PCNX1: variants seen among roughly 807,000 people sequenced by gnomAD.
PCNX1 encodes the protein pecanex-like protein 1.
Under a neutral mutation model 242.2 loss-of-function variants are expected in PCNX1, and 78 were observed. The ratio of observed to expected loss-of-function variants is 0.32; its 90% confidence interval spans 0.27 to 0.39. PCNX1 has a LOEUF of 0.39. PCNX1 is among the 10% of genes least tolerant of loss of function. The pLI is 1.00. For missense variants in PCNX1, 2,581 were observed against 2,856.5 expected (o/e 0.90, Z 2.20); for synonymous variants, 1,024 against 1,032.9 (o/e 0.99, Z 0.17).
intron 8 of PCNX1, among the ~76,000 whole-genome samples, chr14:71,005,309 G>C (rs144585501): frequency 2.0e-5 from 3 of 152,228 alleles, no homozygotes; most frequent in Non-Finnish European, 4.4e-5. Flanking sequence ...TTCGAGACCA[G>C]CCTGGGCAGC....
intron 15 of PCNX1, chr14:71,027,173 A>G: frequency 4.3e-6 from 1 of 233,874 alleles, no homozygotes; most frequent in Non-Finnish European, 8.3e-6. Context: ...GCCTACATAT[A>G]CTTAAGAGGT....
At chr14:71,053,314 C>T (rs1039865033) in intron 24 of PCNX1, 3 of 451,252 alleles carry the variant, frequency 6.6e-6, no homozygotes, top group African/African-American at 2.0e-5. Flanking sequence ...CCCTTGTCAT[C>T]CAGGCTGGAG....
intron 19 of PCNX1, among the ~76,000 whole-genome samples, chr14:71,041,463 C>T (rs2060702142): frequency 6.6e-6 from 1 of 152,090 alleles, no homozygotes; most frequent in Admixed American, 6.6e-5. Context: ...TCCATTTTCT[C>T]TAGATTTTCC....
intron 1 of PCNX1, among the ~76,000 whole-genome samples, chr14:70,927,271 G>A (rs1430459819): frequency 6.6e-6 from 1 of 152,184 alleles, no homozygotes; most frequent in Non-Finnish European, 1.5e-5. Context: ...TTCTGTAAGT[G>A]TGTCTTAGTT....
At chr14:71,033,400 A>G (rs766991650) in intron 16 of PCNX1, 29 bp from the exon 17 acceptor site, 1 of 1,086,422 alleles carries the variant, frequency 9.2e-7, no homozygotes, top group Admixed American at 1.8e-5. Context: ...TTAGAAGCAT[A>G]TTATTCTGTT....
chr14:71,047,427 C>T (rs1278533674), intron 21 of PCNX1, among the ~76,000 whole-genome samples: 9 of 152,080 alleles, frequency 5.9e-5, no homozygotes, highest in African/African-American at 2.2e-4. Flanking sequence ...CCTCCATAGT[C>T]ATCCGATGAG....
chr14:71,053,917 A>G lies in PCNX1; in HGVS notation c.4578-1587A>G, dbSNP rs1360740565. Among the ~76,000 whole-genome samples, 3 of 152,196 alleles carry G rather than the reference A, an allele frequency of 2.0e-5. 1 individual carries two copies. Among genetic ancestry groups the G allele is most frequent in the Middle Eastern group, 6.8e-3 (2 of 294 alleles). On this transcript the variant is annotated intron_variant, in intron 24 of 35. Transcript: ENST00000304743. Reference sequence around the variant, plus strand: ...GCTGGATTCTTGTATCTACCTGTACATTCAGTCAGGTGCAGTATATTGTTT... The same window carrying G: ...GCTGGATTCTTGTATCTACCTGTACGTTCAGTCAGGTGCAGTATATTGTTT...
intron 1 of PCNX1, among the ~76,000 whole-genome samples, chr14:70,919,753 G>C (rs2056304972): frequency 9.1e-6 from 1 of 109,734 alleles, no homozygotes; most frequent in Non-Finnish European, 1.7e-5. Flanking sequence ...TGCTTTATTT[G>C]GTAGAATTGT....
chr14:71,094,063 C>T (rs1197531049), intron 30 of PCNX1, among the ~76,000 whole-genome samples: 1 of 152,130 alleles, frequency 6.6e-6, no homozygotes, highest in African/African-American at 2.4e-5. Flanking sequence ...TAGGGATAGG[C>T]ACCCCAACCC....
At chr14:70,969,438 G>A (rs1029646651) in intron 5 of PCNX1, among the ~76,000 whole-genome samples, 2 of 152,180 alleles carry the variant, frequency 1.3e-5, no homozygotes, top group African/African-American at 4.8e-5. Flanking sequence ...GGATAACCTA[G>A]TATGTAAAAC....
intron 30 of PCNX1, among the ~76,000 whole-genome samples, chr14:71,097,664 T>C (rs2062329353): frequency 6.6e-6 from 1 of 152,210 alleles, no homozygotes; most frequent in Non-Finnish European, 1.5e-5. Flanking sequence ...AATTAAGTTA[T>C]AGATTCTGGG....
intron 2 of PCNX1, 148 bp from the exon 3 acceptor site, chr14:70,962,078 C>T (rs191796386): frequency 1.7e-5 from 10 of 590,530 alleles, no homozygotes; most frequent in East Asian, 1.6e-4. Context: ...GAAGAATGAT[C>T]GTTGTTTACC....
At chr14:71,096,952 CCTTA>C (rs774363286) in intron 30 of PCNX1, among the ~76,000 whole-genome samples, 1 of 152,120 alleles carries the variant, frequency 6.6e-6, no homozygotes, top group African/African-American at 2.4e-5. Flanking sequence ...CTGTATACTT[CCTTA>C]CTTCTCACCC....
At chr14:70,928,289 A>G (rs556246630) in intron 1 of PCNX1, among the ~76,000 whole-genome samples, 1 of 152,318 alleles carries the variant, frequency 6.6e-6, no homozygotes, top group African/African-American at 2.4e-5. Context: ...CCTAGCTGCT[A>G]TTCTTCAGAA....
intron 28 of PCNX1, chr14:71,085,758 C>T: frequency 3.1e-6 from 1 of 327,658 alleles, no homozygotes; most frequent in South Asian, 3.5e-5. Context: ...CTTTAACAGT[C>T]TTCTCAGTCA....
At chr14:71,031,573 G>A in intron 16 of PCNX1, 1 of 486,308 alleles carries the variant, frequency 2.1e-6, no homozygotes, top group Non-Finnish European at 3.8e-6. Context: ...TCCTGAGACA[G>A]AAGGGGACTC....
chr14:71,022,160 A>G (rs1288766863), intron 12 of PCNX1, among the ~76,000 whole-genome samples: 7 of 152,154 alleles, frequency 4.6e-5, no homozygotes, highest in African/African-American at 1.7e-4. Flanking sequence ...ACTAATAACA[A>G]GTAACCCAGT....
At position 70,959,809 on chromosome 14, in the gene PCNX1, A is replaced by T. The variant is rs926602336; in HGVS notation, c.363-2417A>T. ...AGATCCCTGAGGAATCGCCACACTG[A>T]CTTCCACAATGGTTGAACTAGTTTA... On this transcript the variant is annotated intron_variant, in intron 2 of 35. Coordinates refer to ENST00000304743, the MANE Select transcript of PCNX1 (RefSeq NM_014982.3). Among the ~76,000 whole-genome samples, 4 of 146,008 alleles carry T rather than the reference A, an allele frequency of 2.7e-5. No individual in the cohort carries two copies. The South Asian group carries it at 9.3e-4, about 34-fold the overall frequency.
chr14:71,017,692 A>G (rs2059995653), intron 11 of PCNX1, among the ~76,000 whole-genome samples: 1 of 152,216 alleles, frequency 6.6e-6, no homozygotes, highest in Non-Finnish European at 1.5e-5. Context: ...CAAAGACAAG[A>G]CATGTTCAAT....
Sources: gnomAD v4.1 joint callset for allele counts (sites outside exome capture counted in the v4.1 genomes callset) on GRCh38, gnomAD v4.1.1 for gene constraint, MANE v1.5 for transcripts, NCBI Gene and HGNC (gene_info 2026-07-23, HGNC 2026-07-21) for gene names.